ADARB1: variants seen among roughly 807,000 people sequenced by gnomAD.
ADARB1 encodes the protein double-stranded RNA-specific editase 1.
In ADARB1, 10 loss-of-function variants were observed where a neutral mutation model predicts 52.4. The observed-to-expected ratio is 0.19, with a 90% CI of 0.12 to 0.32. The LOEUF is 0.32. Among genes scored for constraint, ADARB1 ranks in the 10% least tolerant of loss-of-function variants. ADARB1 has a pLI of 1.00. For synonymous variants in ADARB1, 349 were observed against 371.1 expected, an observed-to-expected ratio of 0.94 and a Z score of 0.68; for missense variants, 643 against 922.3, an observed-to-expected ratio of 0.70 and a Z score of 3.92.
intron 4 of ADARB1, among the ~76,000 whole-genome samples, chr21:45,179,384 G>T (rs1327217565): frequency 6.6e-6 from 1 of 152,212 alleles, no homozygotes; most frequent in Non-Finnish European, 1.5e-5. Context: ...ACCTGGGGAT[G>T]CTGGGTTTTC....
rs1173016811 is a variant in ADARB1 at position 45,131,819 on chromosome 21, C to T, written c.-48+3246C>T. On this transcript the variant is annotated intron_variant, in intron 2 of 10. Coordinates refer to ENST00000348831, the MANE Select transcript of ADARB1 (RefSeq NM_001112.4). ...GGAAAGAGCCGTCATTCAAGGCTTACACAGCGTGGAGGTGCCCTCCCTGGG... is the reference window on the plus strand; with the variant it reads ...GGAAAGAGCCGTCATTCAAGGCTTATACAGCGTGGAGGTGCCCTCCCTGGG... Among the ~76,000 whole-genome samples, 3 of 152,372 alleles carry T rather than the reference C, an allele frequency of 2.0e-5. No individual in the cohort carries two copies. In the East Asian group the frequency reaches 5.8e-4, roughly 29 times the overall value.
At chr21:45,185,144 T>C (rs2092059562) in intron 8 of ADARB1, 53 bp downstream of exon 8, 1 of 1,569,964 alleles carries the variant, frequency 6.4e-7, no homozygotes, top group Admixed American at 1.8e-5. Context: ...GATTCATCCA[T>C]ACTGTTTGCC....
chr21:45,166,547 T>A (rs1217972746), intron 2 of ADARB1, among the ~76,000 whole-genome samples: 1 of 152,272 alleles, frequency 6.6e-6, no homozygotes, highest in Non-Finnish European at 1.5e-5. Flanking sequence ...ACATTGACCC[T>A]CTTTGTCCGT....
chr21:45,130,382 A>G (rs929680139), intron 2 of ADARB1, among the ~76,000 whole-genome samples: 1 of 152,260 alleles, frequency 6.6e-6, no homozygotes, highest in Non-Finnish European at 1.5e-5. Flanking sequence ...TATCTAAAGC[A>G]TGTGCTGAGA....
intron 2 of ADARB1, among the ~76,000 whole-genome samples, chr21:45,159,126 A>G (rs1431970802): frequency 6.6e-6 from 1 of 152,242 alleles, no homozygotes. Flanking sequence ...TAAAGACTGA[A>G]TAATTTATAA....
At chr21:45,085,742 C>T (rs1046335662) in intron 1 of ADARB1, among the ~76,000 whole-genome samples, 3 of 152,156 alleles carry the variant, frequency 2.0e-5, no homozygotes, top group Admixed American at 6.5e-5. Flanking sequence ...TATCTTGTTA[C>T]ATAGTGAAGC....
At chr21:45,102,457 TA>T (rs750098078) in intron 1 of ADARB1, among the ~76,000 whole-genome samples, 1 of 152,080 alleles carries the variant, frequency 6.6e-6, no homozygotes, top group Non-Finnish European at 1.5e-5. Context: ...AAACAGCATA[TA>T]AAAAATAGAG....
At chr21:45,134,077 C>CGG (rs2089171304) in intron 2 of ADARB1, among the ~76,000 whole-genome samples, 3 of 40,038 alleles carry the variant, frequency 7.5e-5, no homozygotes, top group Non-Finnish European at 9.5e-5. Context: ...GTGCGCCCGC[C>CGG]GGGTGTGTGC....
intron 1 of ADARB1, among the ~76,000 whole-genome samples, chr21:45,123,227 CTGA>C (rs1166533217): frequency 1.3e-5 from 2 of 152,142 alleles, no homozygotes; most frequent in East Asian, 1.9e-4. Context: ...ATGCTCCTCC[CTGA>C]TGATAACTCC....
chr21:45,205,536 G>A (rs2092650150), intron 9 of ADARB1, among the ~76,000 whole-genome samples: 1 of 152,210 alleles, frequency 6.6e-6, no homozygotes, highest in Non-Finnish European at 1.5e-5. Context: ...GAGAGGCCCT[G>A]TTGGCTCCGA....
At position 45,172,124 on chromosome 21, in the gene ADARB1, G is replaced by A. The variant is rs2091505900; in HGVS notation, c.28+440G>A. ...AGGTTCTCGCTGCATTTTGAAGGAA[G>A]GGGATTCACACGTGTCTGTTGATCT... On this transcript the variant is annotated intron_variant, in intron 3 of 10. Transcript: ENST00000348831. This position sits in a 1 kb window ranked among gnomAD's most constrained non-coding sequence, Gnocchi z 4.4. Among the ~76,000 whole-genome samples, 1 of 152,180 alleles carries A rather than the reference G, an allele frequency of 6.6e-6. No individual in the cohort carries two copies. Among genetic ancestry groups the A allele is most frequent in the Non-Finnish European group, 1.5e-5 (1 of 68,022 alleles).
intron 1 of ADARB1, among the ~76,000 whole-genome samples, chr21:45,082,456 T>C (rs986832334): frequency 2.0e-5 from 3 of 152,224 alleles, no homozygotes; most frequent in African/African-American, 4.8e-5. Context: ...AAATTTGTAA[T>C]GCATTGTTTG....
intron 1 of ADARB1, among the ~76,000 whole-genome samples, chr21:45,118,120 A>G (rs1376383199): frequency 6.6e-6 from 1 of 152,258 alleles, no homozygotes; most frequent in Non-Finnish European, 1.5e-5. Flanking sequence ...ATATTTTGCC[A>G]TAGAACCAAG....
intron 2 of ADARB1, among the ~76,000 whole-genome samples, chr21:45,143,629 C>T (rs768784201): frequency 2.8e-4 from 43 of 152,344 alleles, no homozygotes; most frequent in Admixed American, 4.6e-4. Flanking sequence ...TGTGCAGAGC[C>T]GCTGGACCTC....
intron 2 of ADARB1, among the ~76,000 whole-genome samples, chr21:45,166,994 GA>G (rs1418553115): frequency 6.6e-6 from 1 of 152,134 alleles, no homozygotes; most frequent in East Asian, 1.9e-4. Flanking sequence ...AAAAAGGGAA[GA>G]AAAAATAGCT....
At chr21:45,127,359 G>T (rs1264146082) in intron 1 of ADARB1, among the ~76,000 whole-genome samples, 1 of 152,188 alleles carries the variant, frequency 6.6e-6, no homozygotes, top group Non-Finnish European at 1.5e-5. Context: ...CTCTGTGCTG[G>T]ACAAGATGAC....
intron 9 of ADARB1, among the ~76,000 whole-genome samples, chr21:45,215,621 G>A (rs1164996976): frequency 6.6e-6 from 1 of 152,004 alleles, no homozygotes; most frequent in African/African-American, 2.4e-5. Flanking sequence ...AAAATGAGAT[G>A]AGCATTTAGT....
chr21:45,092,510 C>G (rs1412082397), intron 1 of ADARB1, among the ~76,000 whole-genome samples: 1 of 152,186 alleles, frequency 6.6e-6, no homozygotes, highest in Non-Finnish European at 1.5e-5. Flanking sequence ...AGGACCAAAT[C>G]TTAATCCTGG....
chr21:45,105,761 G>C (rs1013631288), intron 1 of ADARB1, among the ~76,000 whole-genome samples: 1 of 152,202 alleles, frequency 6.6e-6, no homozygotes, highest in African/African-American at 2.4e-5. Context: ...TCGTGAAAAC[G>C]TATTGTTGGT....
Sources: gnomAD v4.1 joint callset for allele counts (sites outside exome capture counted in the v4.1 genomes callset) on GRCh38, gnomAD v4.1.1 for gene constraint, Gnocchi (gnomAD v3.1) non-coding constraint, MANE v1.5 for transcripts, NCBI Gene and HGNC (gene_info 2026-07-23, HGNC 2026-07-21) for gene names.